The following RORA variants were observed in gnomAD, a reference collection of about 807,000 sequenced individuals.
RORA encodes nuclear receptor ROR-alpha.
Under a neutral mutation model 69.5 loss-of-function variants are expected in RORA, and 7 were observed. The observed-to-expected ratio is 0.10, with a 90% CI of 0.06 to 0.19. The LOEUF is 0.19. RORA is among the 10% of genes least tolerant of loss of function. The pLI is 1.00. For synonymous variants in RORA, 261 were observed against 240.8 expected, an observed-to-expected ratio of 1.08 and a Z score of -0.78; for missense variants, 457 against 663.0, an observed-to-expected ratio of 0.69 and a Z score of 3.41.
chr15:60,823,303 C>A lies in RORA; in HGVS notation c.167-144617G>T, dbSNP rs140850403. On this transcript the variant is annotated intron_variant, in intron 1 of 10. Coordinates refer to ENST00000335670, the MANE Select transcript of RORA (RefSeq NM_134261.3). ...CTCCTGGGCTCAGGCAATCCTCCTA[C>A]CTCAGCCACCTGAAGTGCTAGGAGT... is the stretch of plus-strand genomic sequence containing the variant. Among the ~76,000 whole-genome samples the A allele has an allele frequency of 4.1e-3, 620 of 152,322 alleles. 2 individuals are homozygous for A. Among genetic ancestry groups the A allele is most frequent in the Non-Finnish European group, 5.3e-3 (362 of 68,030 alleles).
At chr15:60,513,258 C>T (rs939297537) in intron 4 of RORA, among the ~76,000 whole-genome samples, 2 of 152,180 alleles carry the variant, frequency 1.3e-5, no homozygotes, top group Non-Finnish European at 2.9e-5. Context: ...AATTTCAGAA[C>T]CATAATTTCT....
At chr15:60,649,390 A>G (rs2070106875) in intron 2 of RORA, among the ~76,000 whole-genome samples, 2 of 152,182 alleles carry the variant, frequency 1.3e-5, no homozygotes, top group Non-Finnish European at 2.9e-5. Context: ...GGGCTCTGCA[A>G]CAAACAGAAA....
chr15:60,901,291 C>A (rs1031491554), intron 1 of RORA, among the ~76,000 whole-genome samples: 1 of 152,202 alleles, frequency 6.6e-6, no homozygotes, highest in Admixed American at 6.5e-5. Context: ...CCTGCCTCAA[C>A]CTCCTGAGTA....
intron 1 of RORA, among the ~76,000 whole-genome samples, chr15:61,108,874 G>T (rs917987176): frequency 1.3e-5 from 2 of 152,122 alleles, no homozygotes; most frequent in South Asian, 2.1e-4. Flanking sequence ...TGCCAATACT[G>T]TCTGTAAAAA....
intron 1 of RORA, among the ~76,000 whole-genome samples, chr15:60,847,540 C>A (rs1422948518): frequency 1.3e-5 from 2 of 151,936 alleles, no homozygotes; most frequent in East Asian, 3.9e-4. Flanking sequence ...GCACTGGATT[C>A]TGAGAACAGT....
At chr15:60,894,152 T>C (rs974759497) in intron 1 of RORA, among the ~76,000 whole-genome samples, 2 of 152,220 alleles carry the variant, frequency 1.3e-5, no homozygotes, top group Admixed American at 6.5e-5. Flanking sequence ...GCCAGAGTTC[T>C]TCCTGTGAAG....
At chr15:60,950,191 C>T (rs921648458) in intron 1 of RORA, among the ~76,000 whole-genome samples, 1 of 151,436 alleles carries the variant, frequency 6.6e-6, no homozygotes, top group Non-Finnish European at 1.5e-5. Flanking sequence ...CCAAACTAAG[C>T]TTCATAAGTG....
chr15:60,712,620 C>T (rs896745232), intron 1 of RORA, among the ~76,000 whole-genome samples: 3 of 152,202 alleles, frequency 2.0e-5, no homozygotes, highest in Admixed American at 6.5e-5. Context: ...CATTACATGA[C>T]GGACTGGACC....
intron 1 of RORA, among the ~76,000 whole-genome samples, chr15:61,095,150 G>A (rs2078770192): frequency 1.3e-5 from 2 of 152,244 alleles, no homozygotes; most frequent in South Asian, 2.1e-4. Flanking sequence ...GCCCTGGTCA[G>A]TCCTTGGTTT....
In RORA at chr15:61,229,087, C is replaced by T; in HGVS notation, c.132G>A (p.Pro44=). 1.3e-6 allele frequency: 2 copies of T among 1,538,080 alleles called. No individual in the cohort carries two copies. Among genetic ancestry groups the T allele is most frequent in the South Asian group, 2.4e-5 (2 of 83,650 alleles). ...ESARKSEPPA[P]VRRQSYSSTS... The stretch of plus-strand genomic sequence containing the variant: ...TGCTGGAATAGCTCTGTCTGCGCAC[C>T]GGGGCAGGCGGCTCGCTCTTGCGGG... Residue 44 remains proline, a synonymous_variant, in exon 1 of 11, where the codon CCG becomes CCA. Coordinates refer to ENST00000335670, the MANE Select transcript of RORA (RefSeq NM_134261.3).
chr15:60,663,029 C>T (rs1596106653), intron 2 of RORA, among the ~76,000 whole-genome samples: 1 of 152,264 alleles, frequency 6.6e-6, no homozygotes, highest in East Asian at 1.9e-4. Context: ...AGATGCAGCC[C>T]CCTTGCTTCA....
intron 1 of RORA, among the ~76,000 whole-genome samples, chr15:61,090,544 C>T (rs530653265): frequency 4.6e-5 from 7 of 152,262 alleles, no homozygotes; most frequent in East Asian, 1.9e-4. Flanking sequence ...AACTCATTAT[C>T]GGCCATTTAG....
chr15:60,609,501 T>G (rs1359633273), intron 2 of RORA, among the ~76,000 whole-genome samples: 2 of 152,172 alleles, frequency 1.3e-5, no homozygotes, highest in African/African-American at 4.8e-5. Flanking sequence ...TGATCATTTG[T>G]CACACTCTAG....
intron 1 of RORA, among the ~76,000 whole-genome samples, chr15:61,104,821 C>T (rs1272217395): frequency 1.3e-5 from 2 of 152,148 alleles, no homozygotes; most frequent in Non-Finnish European, 2.9e-5. Context: ...TCCCATAATT[C>T]CCACATACTG....
At chr15:61,037,183 T>A (rs1242376991) in intron 1 of RORA, among the ~76,000 whole-genome samples, 2 of 152,160 alleles carry the variant, frequency 1.3e-5, no homozygotes, top group African/African-American at 4.8e-5. Flanking sequence ...TGTGTAAGAA[T>A]TGAAAAATAT....
At chr15:60,972,209 G>A (rs1383957573) in intron 1 of RORA, among the ~76,000 whole-genome samples, 1 of 152,188 alleles carries the variant, frequency 6.6e-6, no homozygotes, top group Admixed American at 6.5e-5. Flanking sequence ...GATTGGATTT[G>A]CATATTGGAA....
At chr15:60,962,623 T>C (rs972682363) in intron 1 of RORA, among the ~76,000 whole-genome samples, 1 of 152,202 alleles carries the variant, frequency 6.6e-6, no homozygotes, top group Non-Finnish European at 1.5e-5. Context: ...CCTTGAAACA[T>C]TAGCACACCA....
At chr15:60,607,828 G>A (rs1419238266) in intron 2 of RORA, among the ~76,000 whole-genome samples, 1 of 152,130 alleles carries the variant, frequency 6.6e-6, no homozygotes, top group Non-Finnish European at 1.5e-5. Flanking sequence ...AGAAAGATTA[G>A]CAGTTAAAGC....
intron 9 of RORA, among the ~76,000 whole-genome samples, chr15:60,500,471 G>A (rs894686966): frequency 4.6e-5 from 7 of 152,126 alleles, no homozygotes; most frequent in Non-Finnish European, 7.4e-5. Flanking sequence ...AAGTCTTTAT[G>A]TCTAAGTCTT....
Sources: allele counts gnomAD v4.1 joint callset (sites outside exome capture counted in the v4.1 genomes callset), GRCh38; gene constraint gnomAD v4.1.1; transcripts MANE v1.5; gene names NCBI Gene and HGNC (gene_info 2026-07-23, HGNC 2026-07-21).